The following COL6A5 variants were observed in gnomAD, a reference collection of about 807,000 sequenced individuals.
COL6A5 encodes the protein collagen alpha-5(VI) chain.
COL6A5 carries 48 observed loss-of-function variants against 65.6 expected under a neutral mutation model. The ratio of observed to expected loss-of-function variants is 0.73; its 90% CI spans 0.58 to 0.93. COL6A5 has a LOEUF of 0.93. Ranked by LOEUF, COL6A5 falls within the 40% of genes least tolerant of loss-of-function variation. The pLI, the probability that COL6A5 is intolerant of heterozygous loss-of-function variation, is 0.00. For synonymous variants in COL6A5, 291 were observed against 322.8 expected, an observed-to-expected ratio of 0.90 and a Z score of 1.05; for missense variants, 914 against 928.3, an observed-to-expected ratio of 0.98 and a Z score of 0.20.
chr3:130,365,166 G>A (rs1416617553), intron 1 of COL6A5, among the ~76,000 whole-genome samples: 1 of 152,216 alleles, frequency 6.6e-6, no homozygotes, highest in Non-Finnish European at 1.5e-5. Context: ...GTAGGAGTGA[G>A]GTCAAGATTT....
intron 1 of COL6A5, among the ~76,000 whole-genome samples, chr3:130,349,184 G>A (rs777490687): frequency 1.3e-5 from 2 of 152,132 alleles, no homozygotes; most frequent in Admixed American, 6.5e-5. Context: ...CACCTCAAAC[G>A]TTCTCTCTCA....
chr3:130,355,775 A>C (rs1032318496), intron 1 of COL6A5, among the ~76,000 whole-genome samples: 1 of 152,078 alleles, frequency 6.6e-6, no homozygotes. Context: ...TGACAGACGT[A>C]AGCCCAAACA....
At chr3:130,447,838 T>G (rs980541850) in intron 4 of COL6A5, among the ~76,000 whole-genome samples, 1 of 152,190 alleles carries the variant, frequency 6.6e-6, no homozygotes, top group African/African-American at 2.4e-5. Context: ...ATAACGGCAT[T>G]GCCATTACTG....
intron 27 of COL6A5, 81 bp from the exon 28 acceptor site, chr3:130,422,639 G>A: frequency 1.2e-6 from 1 of 856,790 alleles, no homozygotes; most frequent in South Asian, 1.6e-5. Flanking sequence ...TATCAATCAA[G>A]TTTGAGTCCA....
At chr3:130,448,597 C>T (rs1014250613) in intron 4 of COL6A5, among the ~76,000 whole-genome samples, 2 of 152,116 alleles carry the variant, frequency 1.3e-5, no homozygotes, top group African/African-American at 4.8e-5. Flanking sequence ...AATCCAGCCT[C>T]TGTAACACAG....
At position 130,395,764 on chromosome 3, in the gene COL6A5, T is replaced by G. The variant is rs530697908; in HGVS notation, c.3568+299T>G. Among the ~76,000 whole-genome samples, 26 of 152,296 alleles carry G rather than the reference T, an allele frequency of 1.7e-4. No individual in the cohort carries two copies. The South Asian group carries it at 5.2e-3, about 30-fold the overall frequency. ...TTATTCTCCTTTTAACACCTGGATC[T>G]CTCTCTCCTATTTCTGTCCTCCTAG... On this transcript the variant is annotated intron_variant and NMD_transcript_variant, in intron 8 of 41. Transcript: ENST00000312481.
upstream of COL6A5, chr3:130,429,598 C>A: frequency 2.6e-6 from 4 of 1,545,408 alleles, no homozygotes; most frequent in South Asian, 4.8e-5. Context: ...AGTATTCTTA[C>A]CATGCTGTTC....
chr3:130,434,169 T>C (rs1937944941), intron 1 of COL6A5, among the ~76,000 whole-genome samples: 1 of 152,156 alleles, frequency 6.6e-6, no homozygotes, highest in South Asian at 2.1e-4. Context: ...CTCCCAATTA[T>C]GAGTGAGAAC....
At chr3:130,398,961 CT>C (rs2107661855) in intron 10 of COL6A5, among the ~76,000 whole-genome samples, 1 of 152,308 alleles carries the variant, frequency 6.6e-6, no homozygotes, top group East Asian at 1.9e-4. Flanking sequence ...AAGACAGCTC[CT>C]ACTGTTCCTT....
intron 5 of COL6A5, among the ~76,000 whole-genome samples, chr3:130,457,011 G>C (rs1709589695): frequency 6.6e-6 from 1 of 152,028 alleles, no homozygotes; most frequent in African/African-American, 2.4e-5. Context: ...AGTAAAACTA[G>C]ATACATGTAG....
intron 7 of COL6A5, among the ~76,000 whole-genome samples, chr3:130,475,302 T>A (rs1710066159): frequency 6.6e-6 from 1 of 151,080 alleles, no homozygotes; most frequent in Non-Finnish European, 1.5e-5. Flanking sequence ...AAAAAAAAAA[T>A]TCAGACACAT....
exon 15 of COL6A5, chr3:130,406,018 A>G (rs963615433): frequency 5.2e-6 from 8 of 1,551,292 alleles, no homozygotes; most frequent in Middle Eastern, 3.3e-4. Flanking sequence ...TCTGGACCTA[A>G]GGTACTGGAG....
At chr3:130,439,672 G>C in intron 2 of COL6A5, 57 bp downstream of exon 34, 1 of 1,162,252 alleles carries the variant, frequency 8.6e-7, no homozygotes, top group Non-Finnish European at 1.2e-6. Flanking sequence ...TTCTAGATGA[G>C]TTATTGAATG....
intron 4 of COL6A5, 68 bp downstream of exon 4, chr3:130,380,118 A>T: frequency 8.6e-7 from 1 of 1,157,056 alleles, no homozygotes; most frequent in South Asian, 1.8e-5. Context: ...CTAGGGTGGG[A>T]GTGAGGATCA....
chr3:130,376,531 A>G, exon 3 of COL6A5: 1 of 1,604,910 alleles, frequency 6.2e-7, no homozygotes. Flanking sequence ...CATAGGACCT[A>G]CTTCTCTGCA....
chr3:130,413,540 C>T lies in COL6A5; in HGVS notation c.4663-5C>T. 6.5e-7 allele frequency: 1 copy of T among 1,548,546 alleles called. No individual in the cohort carries two copies. The highest frequency in any genetic ancestry group is 8.7e-7 in the Non-Finnish European group (1 of 1,144,594). ...CATACTAACAGTTTGCCTTTTCTGT[C>T]CCAGGGAAGAGAAGGTCAAAGGGGA... On this transcript the variant is annotated splice_polypyrimidine_tract_variant and splice_region_variant and intron_variant and NMD_transcript_variant, in intron 20 of 41. Transcript: ENST00000312481.
At chr3:130,428,226 A>G (rs1937650170), upstream of COL6A5, among the ~76,000 whole-genome samples, 1 of 152,204 alleles carries the variant, frequency 6.6e-6, no homozygotes, top group Admixed American at 6.5e-5. Flanking sequence ...ACGGAACTCC[A>G]GGATGCAGAC....
intron 1 of COL6A5, among the ~76,000 whole-genome samples, chr3:130,435,463 C>G (rs1938002415): frequency 6.6e-6 from 1 of 152,170 alleles, no homozygotes; most frequent in African/African-American, 2.4e-5. Context: ...ATAGCTTTTT[C>G]TAATTCTGTG....
chr3:130,380,178 C>T, intron 4 of COL6A5, 128 bp downstream of exon 4: 1 of 758,620 alleles, frequency 1.3e-6, no homozygotes, highest in South Asian at 2.6e-5. Context: ...TGTTCTAAAG[C>T]TGGATTTTGG....
Sources: gnomAD v4.1 joint callset for allele counts (sites outside exome capture counted in the v4.1 genomes callset) on GRCh38, gnomAD v4.1.1 for gene constraint, MANE v1.5 for transcripts, NCBI Gene and HGNC (gene_info 2026-07-23, HGNC 2026-07-21) for gene names.